Variants in EMC3 observed in about 807,000 individuals in gnomAD.
EMC3 encodes the protein ER membrane protein complex subunit 3.
A neutral mutation model predicts 36.6 loss-of-function variants in EMC3; 13 were observed. That is an observed-to-expected ratio of 0.35 (90% CI 0.23 to 0.56). The LOEUF is 0.56. EMC3 is among the 20% of genes least tolerant of loss of function. The pLI is 0.84. For missense variants in EMC3, 220 were observed against 324.5 expected (o/e 0.68, Z 2.47); for synonymous variants, 120 against 111.9 (o/e 1.07, Z -0.46).
At chr3:9,965,556 A>G (rs955517390) in intron 7 of EMC3, among the ~76,000 whole-genome samples, 7 of 152,216 alleles carry the variant, frequency 4.6e-5, no homozygotes, top group East Asian at 1.9e-4. Flanking sequence ...TTTAATGTGT[A>G]TAATTTAGTG....
At chr3:10,003,521 T>C (rs1479637659) in intron 1 of EMC3, 6 of 313,260 alleles carry the variant, frequency 1.9e-5, no homozygotes, top group African/African-American at 1.3e-4. Context: ...CCACCACACC[T>C]GACCAGGAGC....
intron 7 of EMC3, among the ~76,000 whole-genome samples, chr3:9,966,229 T>G (rs555406752): frequency 8.6e-5 from 13 of 151,824 alleles, no homozygotes; most frequent in East Asian, 1.9e-4. Context: ...GTATCTGTTT[T>G]TTTTTTTTTT....
intron 3 of EMC3, among the ~76,000 whole-genome samples, chr3:9,976,633 TTACC>T (rs1231106323): frequency 2.6e-5 from 4 of 152,102 alleles, no homozygotes; most frequent in Non-Finnish European, 5.9e-5. Flanking sequence ...CTGGAATGCT[TTACC>T]AACTGTGCTC....
At chr3:9,969,452 C>T (rs2085763130) in intron 7 of EMC3, 4 of 1,345,088 alleles carry the variant, frequency 3.0e-6, no homozygotes, top group Non-Finnish European at 9.6e-7. Context: ...TACCTGGCAC[C>T]TCCGATTGGA....
chr3:9,975,858 T>C (rs2085843968), intron 3 of EMC3, among the ~76,000 whole-genome samples: 1 of 151,588 alleles, frequency 6.6e-6, no homozygotes, highest in Non-Finnish European at 1.5e-5. Context: ...TTAATTGATA[T>C]TCCATGGATT....
intron 1 of EMC3, chr3:10,002,682 A>G (rs982120428): frequency 2.6e-6 from 1 of 390,382 alleles, no homozygotes; most frequent in African/African-American, 2.1e-5. Context: ...CCCTGGCTCA[A>G]CAAGCCCCTG....
At chr3:9,967,646 G>A (rs567418144) in intron 7 of EMC3, among the ~76,000 whole-genome samples, 12 of 152,264 alleles carry the variant, frequency 7.9e-5, no homozygotes, top group South Asian at 2.1e-4. Context: ...AAACCACGGC[G>A]TGTAAGTTAT....
chr3:9,970,572 T>C lies in EMC3; in HGVS notation c.574+10A>G. Reference sequence around the variant, plus strand: ...AAGTATTTGCTTAGTAAACCTGACATGCTTCTTACCATTATCTTGGCCCAG... The same window carrying C: ...AAGTATTTGCTTAGTAAACCTGACACGCTTCTTACCATTATCTTGGCCCAG... On this transcript the variant is annotated intron_variant, in intron 6 of 7. Coordinates refer to ENST00000245046, the MANE Select transcript of EMC3 (RefSeq NM_001394674.1). The C allele has an allele frequency of 2.5e-6, 4 of 1,614,048 alleles. No individual in the cohort carries two copies. The highest frequency in any genetic ancestry group is 2.5e-6 in the Non-Finnish European group (3 of 1,179,896).
chr3:10,007,524 T>C (rs894168300), intron 1 of EMC3: 4 of 1,367,476 alleles, frequency 2.9e-6, no homozygotes, highest in African/African-American at 3.0e-5. Flanking sequence ...AACAGTGGCA[T>C]GAAGCGCTCC....
At position 9,964,395 on chromosome 3, in the gene EMC3, A is replaced by C. The variant is rs6768339; in HGVS notation, c.658-198T>G. Among the ~76,000 whole-genome samples the C allele has an allele frequency of 0.35, 52,928 of 152,060 alleles. 12,170 individuals carry two copies. Among genetic ancestry groups the C allele is most frequent in the African/African-American group, 0.66 (27,344 of 41,432 alleles). ...CTTCCTGCCACCCCTCAATTTATAG[A>C]TAAGGAGACTAAGACTAAGAGGTCA... On this transcript the variant is annotated intron_variant, in intron 7 of 7. Transcript: ENST00000245046.
chr3:10,000,047 G>T (rs1009961622), intron 1 of EMC3, among the ~76,000 whole-genome samples: 4 of 151,534 alleles, frequency 2.6e-5, no homozygotes, highest in Non-Finnish European at 5.9e-5. Flanking sequence ...ATTTTTTGGG[G>T]TTTTTTTTGA....
chr3:10,008,343 AAGGGGCTCC>A (rs2086286806), intron 1 of EMC3: 1 of 1,288,468 alleles, frequency 7.8e-7, no homozygotes, highest in Non-Finnish European at 1.0e-6. Context: ...GACTATAGGG[AAGGGGCTCC>A]AGGCACCAGG....
chr3:10,003,159 C>T (rs2086225345), intron 1 of EMC3: 1 of 456,616 alleles, frequency 2.2e-6, no homozygotes, highest in African/African-American at 2.0e-5. Flanking sequence ...TGGCCTTCTC[C>T]ACCAAGAGCA....
chr3:9,984,828 T>A (rs2085952685), intron 1 of EMC3, among the ~76,000 whole-genome samples: 1 of 152,188 alleles, frequency 6.6e-6, no homozygotes, highest in African/African-American at 2.4e-5. Flanking sequence ...TGGTGTGAAG[T>A]CCTAAATGTC....
chr3:9,982,310 A>G (rs1303530548), intron 1 of EMC3, among the ~76,000 whole-genome samples: 2 of 151,890 alleles, frequency 1.3e-5, no homozygotes, highest in African/African-American at 4.8e-5. Context: ...GCTGGAGTAC[A>G]GTGGCATGAT....
At chr3:10,002,967 G>C in intron 1 of EMC3, 1 of 451,522 alleles carries the variant, frequency 2.2e-6, no homozygotes, top group South Asian at 1.6e-5. Flanking sequence ...AAGCCTTCCA[G>C]TATCAGCCTG....
At chr3:9,980,339 T>C (rs1183927273) in intron 1 of EMC3, among the ~76,000 whole-genome samples, 1 of 151,130 alleles carries the variant, frequency 6.6e-6, no homozygotes, top group Non-Finnish European at 1.5e-5. Flanking sequence ...TTGATCACTG[T>C]CTTAAGAGCA....
chr3:9,983,236 T>G (rs2085931017), intron 1 of EMC3, among the ~76,000 whole-genome samples: 1 of 151,518 alleles, frequency 6.6e-6, no homozygotes, highest in South Asian at 2.1e-4. Flanking sequence ...TAACCTCTAC[T>G]CCTTAGGTTC....
intron 1 of EMC3, among the ~76,000 whole-genome samples, chr3:9,999,602 T>C (rs188094603): frequency 8.5e-5 from 13 of 152,326 alleles, no homozygotes; most frequent in Admixed American, 7.8e-4. Context: ...TTGAGTCGTA[T>C]GATCACACAT....
Sources: allele counts gnomAD v4.1 joint callset (sites outside exome capture counted in the v4.1 genomes callset), GRCh38; gene constraint gnomAD v4.1.1; transcripts MANE v1.5; gene names NCBI Gene and HGNC (gene_info 2026-07-23, HGNC 2026-07-21).